IL17RC: variants seen among roughly 807,000 people sequenced by gnomAD.
The protein encoded by IL17RC is interleukin 17 receptor C, also known as interleukin-17 receptor C.
A neutral mutation model predicts 86.7 loss-of-function variants in IL17RC; 53 were observed. That is an observed-to-expected ratio of 0.61 (90% CI 0.49 to 0.77). The LOEUF (loss-of-function observed/expected upper bound fraction) is 0.77, where lower values mean the gene tolerates loss of function less well. Ranked by LOEUF, IL17RC falls within the 30% of genes least tolerant of loss-of-function variation. The pLI is 0.00. For missense variants in IL17RC, 957 were observed against 940.0 expected, an observed-to-expected ratio of 1.02 and a Z score of -0.24; for synonymous variants, 439 against 413.1, an observed-to-expected ratio of 1.06 and a Z score of -0.76.
In IL17RC at chr3:9,932,835, T is replaced by G; in HGVS notation, c.1499T>G (p.Leu500Trp). The change falls in exon 18 of 19, where the codon TTG (leucine) becomes TGG (tryptophan). Residue 500 changes from leucine (L) to tryptophan (W), a missense_variant. By Grantham distance (61) the Leu-to-Trp change is moderately conservative (BLOSUM62 -2). Transcript: ENST00000403601. Reference protein sequence around the residue: ...KDHAKGWLRLLKQDVRSGAAA... With the variant: ...KDHAKGWLRLWKQDVRSGAAA... ...CCCCTAACAGGGTGGCTGAGGCTCTTGAAACAGGACGTCCGCTCGGGGGGT... is the reference window on the plus strand; with the variant it reads ...CCCCTAACAGGGTGGCTGAGGCTCTGGAAACAGGACGTCCGCTCGGGGGGT... 6.4e-7 allele frequency: 1 copy of G among 1,562,744 alleles called. No individual in the cohort carries two copies. Among genetic ancestry groups the G allele is most frequent in the East Asian group, 2.2e-5 (1 of 44,580 alleles).
Position 9,920,403 on chromosome 3 carries a change from G to A in IL17RC, c.466-88G>A, listed in dbSNP as rs564659846. 1.6e-5 allele frequency: 12 copies of A among 749,614 alleles called. No homozygotes were observed. In the South Asian group the frequency reaches 1.7e-4, roughly 10 times the overall value. 46.4% of individuals were successfully genotyped at this position (749,614 alleles called of 1,614,324 possible). A position where few individuals can be genotyped will look rare whatever the true frequency, so the allele number is the denominator to read the frequency against. ...ATTAGTTGGGGGAGGAGGGCAGTGA[G>A]CAGAGTGGTCCCTGCAGATGATCCC... On this transcript the variant is annotated intron_variant, in intron 5 of 18. Coordinates refer to ENST00000403601, the MANE Select transcript of IL17RC (RefSeq NM_153460.4).
chr3:9,929,738 G>C (rs979116982), intron 12 of IL17RC, 114 bp from the exon 13 acceptor site: 1 of 1,082,254 alleles, frequency 9.2e-7, no homozygotes, highest in Non-Finnish European at 1.4e-6. Flanking sequence ...CCTCAGGTCA[G>C]ATTGAGTGCA....
At position 9,917,709 on chromosome 3, in the gene IL17RC, C is replaced by T. The variant is rs756084638; in HGVS notation, c.106-4C>T. 1.9e-6 allele frequency: 3 copies of T among 1,613,648 alleles called. No homozygotes were observed. The African/African-American group carries it at 4.0e-5, about 22-fold the overall frequency. ...ATTCTGACTCTCCTTTCTTTCCTTC[C>T]CAGGGCCTCTCCTGCCGCCTCTGGG... On this transcript the variant is annotated splice_polypyrimidine_tract_variant and splice_region_variant and intron_variant, in intron 1 of 18. Transcript: ENST00000403601.
chr3:9,930,641 C>T lies in IL17RC; in HGVS notation c.1338+182C>T, dbSNP rs184146074. 1.1e-4 allele frequency: 78 copies of T among 695,270 alleles called. 2 individuals are homozygous for T. The highest frequency in any genetic ancestry group is 1.1e-3 in the South Asian group (59 of 53,766). The allele number at this position is 695,270 out of a possible 1,614,324, so 43.1% of individuals were successfully genotyped here. A position where few individuals can be genotyped will look rare whatever the true frequency, so the allele number is the denominator to read the frequency against. On this transcript the variant is annotated intron_variant, in intron 15 of 18. Transcript: ENST00000403601. The surrounding 1 kb of genome is among the most constrained non-coding windows in gnomAD (Gnocchi z 5.8). ...GGCTAGACACCCATAAACAGATAAC[C>T]ACACCTACAGGTGCTAAGTTTTGGG...
In IL17RC at chr3:9,923,875, C is replaced by T. The variant is rs2083812154; in HGVS notation, c.623-6C>T. On this transcript the variant is annotated splice_polypyrimidine_tract_variant and splice_region_variant and intron_variant, in intron 7 of 18. Coordinates refer to ENST00000403601, the MANE Select transcript of IL17RC (RefSeq NM_153460.4). ...TAAGCTGCGCTCTCTTTGCCTCTCC[C>T]ACCAGCCCTGCCCTGGCTCAACGTG... 1.9e-6 allele frequency: 3 copies of T among 1,613,824 alleles called. No homozygotes were observed. The highest frequency in any genetic ancestry group is 1.1e-5 in the South Asian group (1 of 91,054).
At position 9,930,347 on chromosome 3, in the gene IL17RC, G is replaced by T. The variant is rs2084539138; in HGVS notation, c.1279-53G>T. The T allele has an allele frequency of 6.2e-7, 1 of 1,601,380 alleles. No individual in the cohort carries two copies. The highest frequency in any genetic ancestry group is 8.6e-7 in the Non-Finnish European group (1 of 1,168,980). On this transcript the variant is annotated intron_variant, in intron 14 of 18. Coordinates refer to ENST00000403601, the MANE Select transcript of IL17RC (RefSeq NM_153460.4). This position sits in a 1 kb window ranked among gnomAD's most constrained non-coding sequence, Gnocchi z 5.8. ...ACCCAGCTGTAGCCTGGTAGGTGCT[G>T]CCCTAAGGGTGCTACCTCCAGGTAA... is the stretch of plus-strand genomic sequence containing the variant.
chr3:9,917,268 G>A lies in IL17RC; in HGVS notation c.-48G>A, dbSNP rs1476172114. On this transcript the variant is annotated 5_prime_UTR_variant, in exon 1 of 19. Transcript: ENST00000403601. ...ACTGGGGTGTCTGCCCCCCTTGGGGGGGGGCAGCACAGGGCCTCAGGCCTG... is the reference window on the plus strand; with the variant it reads ...ACTGGGGTGTCTGCCCCCCTTGGGGAGGGGCAGCACAGGGCCTCAGGCCTG... 4 of 1,498,762 alleles carry A rather than the reference G, an allele frequency of 2.7e-6. No individual in the cohort carries two copies. The highest frequency in any genetic ancestry group is 2.8e-5 in the African/African-American group (2 of 70,974). The allele number at this position is 1,498,762 out of a possible 1,614,324, so 92.8% of individuals were successfully genotyped here.
chr3:9,922,019 C>A (rs1338017243), intron 7 of IL17RC, among the ~76,000 whole-genome samples: 1 of 133,190 alleles, frequency 7.5e-6, no homozygotes, highest in Non-Finnish European at 1.5e-5. Flanking sequence ...GTGGTGTGAT[C>A]TCAGCTCACT....
At chr3:9,931,502 T>TATATATATATATAC (rs1306971037) in intron 16 of IL17RC, among the ~76,000 whole-genome samples, 20 of 145,126 alleles carry the variant, frequency 1.4e-4, no homozygotes, top group African/African-American at 5.2e-4. Flanking sequence ...TATATATATA[T>TATATATATATATAC]ACTTATTTTT....
intron 7 of IL17RC, among the ~76,000 whole-genome samples, chr3:9,923,442 A>G (rs2083758541): frequency 6.6e-6 from 1 of 150,904 alleles, no homozygotes; most frequent in African/African-American, 2.4e-5. Context: ...AATCCCAGCT[A>G]CTCGGGTGGC....
At chr3:9,928,540 G>T in intron 11 of IL17RC, 40 bp from the exon 12 acceptor site, 3 of 1,613,236 alleles carry the variant, frequency 1.9e-6, no homozygotes, top group African/African-American at 1.3e-5. Context: ...GGAACCGGGG[G>T]TCCCCTTTTG....
At chr3:9,920,268 GC>G (rs34984419) in intron 5 of IL17RC, 239,799 of 513,954 alleles carry the variant, frequency 0.47, 62,345 homozygotes, top group Non-Finnish European at 0.56. Flanking sequence ...AATGTCTAGG[GC>G]CTTTTCCCGC....
rs1473156485 is a variant in IL17RC at position 9,933,366 on chromosome 3, C to A, written c.1936C>A (p.Leu646Ile). 1.2e-6 allele frequency: 2 copies of A among 1,612,482 alleles called. No individual in the cohort carries two copies. Among genetic ancestry groups the A allele is most frequent in the East Asian group, 2.2e-5 (1 of 44,826 alleles). Reference sequence around the variant, plus strand: ...GCTCCACCCGGACGCCGTACCCGCCCTTTTCCGCACCGTGCCCGTCTTCAC... The same window carrying A: ...GCTCCACCCGGACGCCGTACCCGCCATTTTCCGCACCGTGCCCGTCTTCAC... ...RLLHPDAVPA[L>I]FRTVPVFTLP... Residue 646 changes from leucine (L) to isoleucine (I), a missense_variant, in exon 19 of 19, where the codon CTT becomes ATT. Leu to Ile is a conservative substitution (Grantham distance 5, BLOSUM62 2). Coordinates refer to ENST00000403601, the MANE Select transcript of IL17RC (RefSeq NM_153460.4).
chr3:9,930,072 C>G lies in IL17RC; in HGVS notation c.1201C>G (p.Arg401Gly), dbSNP rs772782362. 1 of 1,613,944 alleles carries G rather than the reference C, an allele frequency of 6.2e-7. No homozygotes were observed. Among genetic ancestry groups the G allele is most frequent in the African/African-American group, 1.3e-5 (1 of 74,890 alleles). Residue 401 changes from arginine to glycine, a missense_variant, in exon 14 of 19, where the codon CGA becomes GGA. Transcript: ENST00000403601. This position sits in a 1 kb window ranked among gnomAD's most constrained non-coding sequence, Gnocchi z 5.8. ...AGACGATGTGCTACTGTTGGAGACA[C>G]GAGGCCCCCAGGACAACAGATCCCT... Reference protein sequence around the residue: ...LKDDVLLLETRGPQDNRSLCA... With the variant: ...LKDDVLLLETGGPQDNRSLCA...
chr3:9,921,039 CCA>C, intron 7 of IL17RC, 70 bp downstream of exon 7: 4 of 960,262 alleles, frequency 4.2e-6, no homozygotes, highest in Non-Finnish European at 6.2e-6. Context: ...CCCTTGGAGT[CCA>C]CTTCAGATAT....
chr3:9,930,272 C>T lies in IL17RC; in HGVS notation c.1278+123C>T, dbSNP rs1455203682. On this transcript the variant is annotated intron_variant, in intron 14 of 18. Coordinates refer to ENST00000403601, the MANE Select transcript of IL17RC (RefSeq NM_153460.4). This position sits in a 1 kb window ranked among gnomAD's most constrained non-coding sequence, Gnocchi z 5.8. ...ACATGGGGGGTGACTCAGACCAGGG[C>T]CATATTCAGCGGCATCACCAAAGTC... 7.2e-6 allele frequency: 11 copies of T among 1,525,158 alleles called. No individual in the cohort carries two copies. Among genetic ancestry groups the T allele is most frequent in the African/African-American group, 2.7e-5 (2 of 73,276 alleles). 94.5% of individuals were successfully genotyped at this position (1,525,158 alleles called of 1,614,324 possible).
At chr3:9,924,102 C>G (rs768442368) in intron 8 of IL17RC, 82 bp downstream of exon 8, 1 of 1,609,890 alleles carries the variant, frequency 6.2e-7, no homozygotes, top group Non-Finnish European at 8.5e-7. Context: ...CAGAGAGGAT[C>G]CTTGAAGAGG....
At chr3:9,929,990 G>C (rs1321295909) in intron 13 of IL17RC, 38 bp from the exon 14 acceptor site, 1 of 1,613,640 alleles carries the variant, frequency 6.2e-7, no homozygotes, top group African/African-American at 1.3e-5. Flanking sequence ...TCCCAGCAAG[G>C]ATGGGTCTTG....
At chr3:9,920,258 A>G (rs1432196497) in intron 5 of IL17RC, 1 of 471,878 alleles carries the variant, frequency 2.1e-6, no homozygotes, top group Non-Finnish European at 3.8e-6. Context: ...CAGGGATTTA[A>G]ATGTCTAGGG....
Sources: gnomAD v4.1 joint callset for allele counts (sites outside exome capture counted in the v4.1 genomes callset) on GRCh38, gnomAD v4.1.1 for gene constraint, Gnocchi (gnomAD v3.1) non-coding constraint, MANE v1.5 for transcripts, NCBI Gene and HGNC (gene_info 2026-07-23, HGNC 2026-07-21) for gene names.